FUBP1: variants seen among roughly 807,000 people sequenced by gnomAD.
FUBP1 encodes far upstream element binding protein 1, also known as far upstream element-binding protein 1.
In FUBP1, 16 loss-of-function variants were observed where a neutral mutation model predicts 94.9. The observed-to-expected ratio is 0.17, with a 90% CI of 0.11 to 0.26. The LOEUF (loss-of-function observed/expected upper bound fraction) is 0.26, where lower values mean the gene tolerates loss of function less well. Ranked by LOEUF, FUBP1 falls within the 10% of genes least tolerant of loss-of-function variation. FUBP1 has a pLI of 1.00. For synonymous variants in FUBP1, 279 were observed against 254.9 expected, an observed-to-expected ratio of 1.09 and a Z score of -0.90; for missense variants, 583 against 808.6, an observed-to-expected ratio of 0.72 and a Z score of 3.38.
intron 17 of FUBP1, among the ~76,000 whole-genome samples, chr1:77,955,818 C>T (rs74092338): frequency 0.017 from 2,650 of 152,242 alleles, 96 homozygotes; most frequent in African/African-American, 0.061. Flanking sequence ...AATTACACCT[C>T]AGTAGCAACA....
At chr1:77,963,509 A>G in intron 13 of FUBP1, 65 bp downstream of exon 13, 1 of 906,286 alleles carries the variant, frequency 1.1e-6, no homozygotes, top group Non-Finnish European at 1.7e-6. Flanking sequence ...TGTTTACGAC[A>G]GCAACAGAAA....
At chr1:77,979,350 G>T, upstream of FUBP1, 1 of 265,096 alleles carries the variant, frequency 3.8e-6, no homozygotes, top group African/African-American at 2.2e-5. Context: ...AGTTGACTGC[G>T]ACTGTGTTTG....
Position 77,947,695 on chromosome 1 carries a change from A to G in FUBP1, c.*1071T>C. The G allele has an allele frequency of 1.7e-6, 1 of 585,066 alleles. No individual in the cohort carries two copies. Among genetic ancestry groups the G allele is most frequent in the Non-Finnish European group, 2.9e-6 (1 of 345,830 alleles). The allele number at this position is 585,066 out of a possible 1,614,324, so 36.2% of individuals were successfully genotyped here. ...TCAGCATGAGTGTTAAAGAGTAATA[A>G]AATGACTTCAAGTACATAAAAAAAT... On this transcript the variant is annotated 3_prime_UTR_variant, in exon 20 of 20. Transcript: ENST00000370768.
intron 18 of FUBP1, among the ~76,000 whole-genome samples, chr1:77,949,853 TAC>T (rs887426057): frequency 7.9e-5 from 12 of 152,198 alleles, no homozygotes; most frequent in Admixed American, 7.2e-4. Flanking sequence ...AAAGTGTATG[TAC>T]ACACACACAT....
intron 18 of FUBP1, among the ~76,000 whole-genome samples, chr1:77,951,474 G>T (rs979726553): frequency 1.3e-5 from 2 of 152,126 alleles, no homozygotes; most frequent in African/African-American, 4.8e-5. Context: ...TGGAAGTAGA[G>T]AAAGAACTCT....
intron 7 of FUBP1, among the ~76,000 whole-genome samples, chr1:77,965,889 A>G (rs1307337315): frequency 6.6e-6 from 1 of 152,246 alleles, no homozygotes; most frequent in African/African-American, 2.4e-5. Context: ...TCTACTAAAA[A>G]AATACAAAAA....
chr1:77,975,319 T>C (rs187034483), intron 1 of FUBP1, among the ~76,000 whole-genome samples: 19 of 152,214 alleles, frequency 1.2e-4, no homozygotes, highest in Admixed American at 1.2e-3. Flanking sequence ...TACCATACCA[T>C]AACTTGCTTA....
intron 1 of FUBP1, among the ~76,000 whole-genome samples, chr1:77,972,167 T>C (rs1263094665): frequency 6.6e-6 from 1 of 152,146 alleles, no homozygotes; most frequent in Non-Finnish European, 1.5e-5. Flanking sequence ...CACCCTTAGG[T>C]CTTAAAGCAC....
In FUBP1 at chr1:77,947,284, C is replaced by G. The variant is rs1172061624; in HGVS notation, c.*1482G>C. On this transcript the variant is annotated 3_prime_UTR_variant, in exon 20 of 20. Transcript: ENST00000370768. ...CATTAAGCTCACTTTAAAAAAAATA[C>G]AGAACTATGTATTATTCTATGTTAA... is the stretch of plus-strand genomic sequence containing the variant. 1 of 297,550 alleles carries G rather than the reference C, an allele frequency of 3.4e-6. No individual in the cohort carries two copies. The highest frequency in any genetic ancestry group is 5.4e-5 in the East Asian group (1 of 18,636). The allele number at this position is 297,550 out of a possible 1,614,324, so 18.4% of individuals were successfully genotyped here.
Position 77,969,908 on chromosome 1 carries a change from C to T in FUBP1, c.211+17G>A. 8.9e-7 allele frequency: 1 copy of T among 1,129,142 alleles called. No individual in the cohort carries two copies. Among genetic ancestry groups the T allele is most frequent in the Non-Finnish European group, 1.3e-6 (1 of 765,252 alleles). 69.9% of individuals were successfully genotyped at this position (1,129,142 alleles called of 1,614,324 possible). On this transcript the variant is annotated intron_variant, in intron 2 of 19. Transcript: ENST00000370768. The stretch of plus-strand genomic sequence containing the variant: ...ACACTCTGAAAAACAATTTAAAATA[C>T]TTAGAGTATAACTTACCTCCATCTT...
At chr1:77,974,725 G>A (rs995811099) in intron 1 of FUBP1, among the ~76,000 whole-genome samples, 8 of 152,110 alleles carry the variant, frequency 5.3e-5, no homozygotes, top group Non-Finnish European at 7.4e-5. Flanking sequence ...AAATATTACC[G>A]TGTATATATT....
chr1:77,973,149 C>G (rs150335237), intron 1 of FUBP1, among the ~76,000 whole-genome samples: 2 of 152,088 alleles, frequency 1.3e-5, no homozygotes, highest in African/African-American at 4.8e-5. Context: ...AAAAACCAAC[C>G]TCCAACTATA....
intron 16 of FUBP1, 123 bp from the exon 17 acceptor site, chr1:77,956,823 T>TG: frequency 3.6e-6 from 2 of 553,978 alleles, no homozygotes; most frequent in Non-Finnish European, 6.1e-6. Flanking sequence ...ACTAGAACAT[T>TG]AAAAAAAGTA....
chr1:77,969,037 G>T, intron 2 of FUBP1: 1 of 1,275,932 alleles, frequency 7.8e-7, no homozygotes, highest in Non-Finnish European at 1.0e-6. Flanking sequence ...AAAGGAGAGG[G>T]CATTCCCTCC....
At chr1:77,954,327 T>C (rs1440811081) in intron 18 of FUBP1, among the ~76,000 whole-genome samples, 1 of 152,192 alleles carries the variant, frequency 6.6e-6, no homozygotes, top group Admixed American at 6.5e-5. Flanking sequence ...TTTGCCGAAT[T>C]GTAGCTACTG....
intron 16 of FUBP1, among the ~76,000 whole-genome samples, chr1:77,957,345 A>G (rs1313199376): frequency 6.6e-6 from 1 of 152,124 alleles, no homozygotes; most frequent in Non-Finnish European, 1.5e-5. Flanking sequence ...TTTCCATTTC[A>G]GCCTCATCTC....
rs540702543 is a variant in FUBP1, at chr1:77,972,521, G to A, written c.121-2506C>T. 1.3e-4 allele frequency among the ~76,000 whole-genome samples: 20 copies of A among 151,510 alleles called. No homozygotes were observed. The East Asian group carries it at 3.5e-3, about 26-fold the overall frequency. On this transcript the variant is annotated intron_variant, in intron 1 of 19. Transcript: ENST00000370768. ...GCACTTTGGGAGGCCGAGGCAGGGCGGGGGGGATCATGAGTTCAGGAGTTC... is the reference window on the plus strand; with the variant it reads ...GCACTTTGGGAGGCCGAGGCAGGGCAGGGGGGATCATGAGTTCAGGAGTTC...
chr1:77,973,990 A>T (rs1358023747), intron 1 of FUBP1, among the ~76,000 whole-genome samples: 1 of 152,100 alleles, frequency 6.6e-6, no homozygotes, highest in Non-Finnish European at 1.5e-5. Flanking sequence ...TGGCACGATC[A>T]TGGCTCACTT....
At chr1:77,965,026 T>C (rs972138382) in intron 8 of FUBP1, 43 bp downstream of exon 8, 2 of 1,595,980 alleles carry the variant, frequency 1.3e-6, no homozygotes, top group Admixed American at 1.7e-5. Context: ...AAAATGGGCA[T>C]CAAAACAGAT....
Sources: gnomAD v4.1 joint callset for allele counts (sites outside exome capture counted in the v4.1 genomes callset) on GRCh38, gnomAD v4.1.1 for gene constraint, MANE v1.5 for transcripts, NCBI Gene and HGNC (gene_info 2026-07-23, HGNC 2026-07-21) for gene names.